Variants in SLC18A2 observed in about 807,000 individuals in gnomAD.
SLC18A2 encodes synaptic vesicular amine transporter.
SLC18A2 carries 33 observed loss-of-function variants against 59.2 expected under a neutral mutation model. That is an observed-to-expected ratio of 0.56 (90% CI 0.42 to 0.75). SLC18A2 has a LOEUF of 0.75. Ranked by LOEUF, SLC18A2 falls within the 30% of genes least tolerant of loss-of-function variation. The pLI is 0.00. For synonymous variants in SLC18A2, 228 were observed against 253.5 expected (o/e 0.90, Z 0.95); for missense variants, 569 against 668.6 (o/e 0.85, Z 1.64).
At chr10:117,249,365 G>A (rs1368852680) in intron 3 of SLC18A2, among the ~76,000 whole-genome samples, 1 of 152,270 alleles carries the variant, frequency 6.6e-6, no homozygotes, top group African/African-American at 2.4e-5. Context: ...TTCTCTGGTA[G>A]CTGAAAAAGA....
intron 3 of SLC18A2, 29 bp from the exon 4 acceptor site, chr10:117,253,370 C>T (rs368911227): frequency 1.9e-6 from 3 of 1,576,954 alleles, no homozygotes; most frequent in African/African-American, 2.7e-5. Flanking sequence ...CTGCAGTCAC[C>T]AGATTTGTCT....
At position 117,277,306 on chromosome 10, in the gene SLC18A2, AAAAC is replaced by A. The variant is rs765909254; in HGVS notation, c.*42_*45del. The A allele has an allele frequency of 1.4e-5, 18 of 1,281,976 alleles. No homozygotes were observed. In the South Asian group the frequency reaches 2.2e-4, roughly 16 times the overall value. The allele number at this position is 1,281,976 out of a possible 1,614,324, so 79.4% of individuals were successfully genotyped here. On this transcript the variant is annotated 3_prime_UTR_variant, in exon 16 of 16. Transcript: ENST00000644641. ...AAATCATCAAAGTGTTTAATTGTAT[AAAAC>A]AGTGTTTCCAGTGACACAACTCATC... is the stretch of plus-strand genomic sequence containing the variant.
intron 3 of SLC18A2, among the ~76,000 whole-genome samples, chr10:117,249,875 G>C (rs574880527): frequency 4.6e-5 from 7 of 152,288 alleles, no homozygotes; most frequent in Non-Finnish European, 8.8e-5. Context: ...TGTAGAGGAT[G>C]ACCGTGGGCC....
chr10:117,254,248 A>AC (rs1036286073), intron 5 of SLC18A2, 117 bp downstream of exon 5: 29 of 1,195,548 alleles, frequency 2.4e-5, no homozygotes, highest in Non-Finnish European at 3.5e-5. Context: ...TGGAGAAGGC[A>AC]CCCACTTTCC....
intron 4 of SLC18A2, 83 bp from the exon 5 acceptor site, chr10:117,253,965 G>A (rs981623365): frequency 1.6e-6 from 2 of 1,254,180 alleles, no homozygotes; most frequent in Middle Eastern, 2.1e-4. Flanking sequence ...ACTGGGTTAA[G>A]GGGGGCTTCT....
intron 15 of SLC18A2, among the ~76,000 whole-genome samples, chr10:117,276,018 T>C (rs1844485198): frequency 6.6e-6 from 1 of 151,912 alleles, no homozygotes; most frequent in East Asian, 1.9e-4. Context: ...GGGCCAAGCA[T>C]GGTCACTTGC....
At chr10:117,273,344 A>C (rs1156242917) in intron 15 of SLC18A2, among the ~76,000 whole-genome samples, 1 of 152,232 alleles carries the variant, frequency 6.6e-6, no homozygotes, top group African/African-American at 2.4e-5. Context: ...TTCACTCTCA[A>C]AATTCCCAGT....
intron 2 of SLC18A2, among the ~76,000 whole-genome samples, chr10:117,243,265 G>A (rs1428039136): frequency 6.6e-6 from 1 of 152,192 alleles, no homozygotes; most frequent in Non-Finnish European, 1.5e-5. Context: ...TTTCTTAGAA[G>A]CACTGGTTGA....
chr10:117,273,253 T>G (rs1665656887), intron 15 of SLC18A2, among the ~76,000 whole-genome samples: 1 of 152,196 alleles, frequency 6.6e-6, no homozygotes, highest in African/African-American at 2.4e-5. Context: ...AAACTGTTAC[T>G]CAAGTCCCTC....
At chr10:117,241,281 G>A (rs1283803966) in intron 1 of SLC18A2, 61 bp downstream of exon 1, 1 of 160,308 alleles carries the variant, frequency 6.2e-6, no homozygotes, top group Non-Finnish European at 1.4e-5. Flanking sequence ...GGGCCCGGGG[G>A]AGGCAGGGAG....
chr10:117,262,246 A>G (rs1844301476), intron 10 of SLC18A2, among the ~76,000 whole-genome samples: 1 of 152,190 alleles, frequency 6.6e-6, no homozygotes, highest in African/African-American at 2.4e-5. Flanking sequence ...GTCATAAAAC[A>G]AAACCCAAAC....
intron 15 of SLC18A2, among the ~76,000 whole-genome samples, chr10:117,275,944 C>A (rs1844484211): frequency 6.6e-6 from 1 of 152,048 alleles, no homozygotes; most frequent in Non-Finnish European, 1.5e-5. Flanking sequence ...AAAATAATAG[C>A]TCTAGCATGT....
intron 10 of SLC18A2, among the ~76,000 whole-genome samples, chr10:117,259,313 A>G (rs1490291786): frequency 6.6e-6 from 1 of 152,168 alleles, no homozygotes; most frequent in Admixed American, 6.5e-5. Context: ...AAGATGAAAA[A>G]TTCTCCAATT....
chr10:117,278,025 C>T lies in SLC18A2; in HGVS notation c.*759C>T, dbSNP rs1056134626. The T allele has an allele frequency of 1.3e-5, 2 of 152,128 alleles. No individual in the cohort carries two copies. Among genetic ancestry groups the T allele is most frequent in the African/African-American group, 4.8e-5 (2 of 41,418 alleles). 9.4% of individuals were successfully genotyped at this position (152,128 alleles called of 1,614,324 possible). A position where few individuals can be genotyped will look rare whatever the true frequency, so the allele number is the denominator to read the frequency against. On this transcript the variant is annotated 3_prime_UTR_variant, in exon 16 of 16. Coordinates refer to ENST00000644641, the MANE Select transcript of SLC18A2 (RefSeq NM_003054.6). ...TATTGTTATGAACTAAAAGCTTTCC[C>T]TTTAAGATGCATACTTGTCTTACTG...
At position 117,277,409 on chromosome 10, in the gene SLC18A2, T is replaced by A. The variant is rs1312838769; in HGVS notation, c.*143T>A. 1 of 494,586 alleles carries A rather than the reference T, an allele frequency of 2.0e-6. No individual in the cohort carries two copies. The highest frequency in any genetic ancestry group is 2.0e-5 in the African/African-American group (1 of 50,312). The allele number at this position is 494,586 out of a possible 1,614,324, so 30.6% of individuals were successfully genotyped here. A position where few individuals can be genotyped will look rare whatever the true frequency, so the allele number is the denominator to read the frequency against. On this transcript the variant is annotated 3_prime_UTR_variant, in exon 16 of 16. Transcript: ENST00000644641. The stretch of plus-strand genomic sequence containing the variant: ...AAAGGTTATTATTTCCTTTCCATGG[T>A]TATGGTCGATTGCCAACAGCCTTAT...
intron 5 of SLC18A2, 70 bp from the exon 6 acceptor site, chr10:117,254,335 A>G: frequency 1.5e-6 from 2 of 1,356,972 alleles, no homozygotes; most frequent in South Asian, 2.7e-5. Context: ...TGGAGAGGGA[A>G]GGCGAGTCAC....
chr10:117,273,248 G>A (rs1844446901), intron 15 of SLC18A2, among the ~76,000 whole-genome samples: 2 of 152,120 alleles, frequency 1.3e-5, no homozygotes, highest in South Asian at 2.1e-4. Flanking sequence ...GAAAAAAACT[G>A]TTACTCAAGT....
At chr10:117,242,481 C>G (rs974087660) in intron 2 of SLC18A2, among the ~76,000 whole-genome samples, 1 of 151,906 alleles carries the variant, frequency 6.6e-6, no homozygotes, top group Non-Finnish European at 1.5e-5. Context: ...AAAAAAATCA[C>G]GACTCATTTA....
chr10:117,253,255 G>C lies in SLC18A2; in HGVS notation c.465-144G>C. On this transcript the variant is annotated intron_variant, in intron 3 of 15. Coordinates refer to ENST00000644641, the MANE Select transcript of SLC18A2 (RefSeq NM_003054.6). ...AGTCAAACACAAAAAGGTCACATAGGAAGCACTGAGTATATGAATTTTCAG... is the reference window on the plus strand; with the variant it reads ...AGTCAAACACAAAAAGGTCACATAGCAAGCACTGAGTATATGAATTTTCAG... 1.7e-5 allele frequency: 11 copies of C among 655,486 alleles called. No individual in the cohort carries two copies. In the South Asian group the frequency reaches 2.0e-4, roughly 12 times the overall value. The allele number at this position is 655,486 out of a possible 1,614,324, so 40.6% of individuals were successfully genotyped here. A position where few individuals can be genotyped will look rare whatever the true frequency, so the allele number is the denominator to read the frequency against.
Sources: allele counts gnomAD v4.1 joint callset (sites outside exome capture counted in the v4.1 genomes callset), GRCh38; gene constraint gnomAD v4.1.1; transcripts MANE v1.5; gene names NCBI Gene and HGNC (gene_info 2026-07-23, HGNC 2026-07-21).